Variants in ARHGAP24 observed in about 807,000 individuals in gnomAD.
ARHGAP24 encodes Rho GTPase activating protein 24.
ARHGAP24 carries 50 observed loss-of-function variants against 76.4 expected under a neutral mutation model. The ratio of observed to expected loss-of-function variants is 0.65; its 90% CI spans 0.52 to 0.83. The LOEUF is 0.83. Among genes scored for constraint, ARHGAP24 ranks in the 40% least tolerant of loss-of-function variants. The pLI is 0.00. For missense variants in ARHGAP24, 930 were observed against 914.2 expected, an observed-to-expected ratio of 1.02 and a Z score of -0.22; for synonymous variants, 345 against 323.3, an observed-to-expected ratio of 1.07 and a Z score of -0.72.
intron 3 of ARHGAP24, among the ~76,000 whole-genome samples, chr4:85,873,568 A>G (rs138950452): frequency 6.6e-6 from 1 of 152,324 alleles, no homozygotes; most frequent in African/African-American, 2.4e-5. Flanking sequence ...TAGCTAGAGC[A>G]TAATGTGATA....
chr4:85,622,118 T>C (rs1047014866), intron 2 of ARHGAP24, among the ~76,000 whole-genome samples: 1 of 152,112 alleles, frequency 6.6e-6, no homozygotes, highest in East Asian at 1.9e-4. Flanking sequence ...TTATTATACT[T>C]TAAGTTTTAG....
intron 2 of ARHGAP24, among the ~76,000 whole-genome samples, chr4:85,692,461 A>G (rs986147379): frequency 1.3e-5 from 2 of 152,316 alleles, no homozygotes; most frequent in Non-Finnish European, 1.5e-5. Flanking sequence ...CAGGAATGCC[A>G]ATGAGCCATA....
intron 4 of ARHGAP24, among the ~76,000 whole-genome samples, chr4:85,934,651 A>C (rs1437641206): frequency 6.6e-6 from 1 of 152,092 alleles, no homozygotes; most frequent in Admixed American, 6.5e-5. Context: ...AGTAGCTGGG[A>C]TTACAGGTGC....
At chr4:85,824,967 G>GTAATCCCAGCTAC (rs1729644218) in intron 3 of ARHGAP24, among the ~76,000 whole-genome samples, 1 of 152,114 alleles carries the variant, frequency 6.6e-6, no homozygotes, top group Non-Finnish European at 1.5e-5. Flanking sequence ...GCATGTGCCT[G>GTAATCCCAGCTAC]TAATCCCAGC....
At chr4:85,888,890 C>T (rs1235864452) in intron 3 of ARHGAP24, among the ~76,000 whole-genome samples, 1 of 152,136 alleles carries the variant, frequency 6.6e-6, no homozygotes, top group Non-Finnish European at 1.5e-5. Flanking sequence ...GTTTTCTGTT[C>T]TCATGTTAGT....
At chr4:85,764,996 A>T (rs747152146) in intron 3 of ARHGAP24, among the ~76,000 whole-genome samples, 1 of 152,114 alleles carries the variant, frequency 6.6e-6, no homozygotes. Flanking sequence ...TTTTGGCCCA[A>T]ATGGCATATT....
At chr4:85,659,129 G>A (rs974012971) in intron 2 of ARHGAP24, among the ~76,000 whole-genome samples, 9 of 152,248 alleles carry the variant, frequency 5.9e-5, no homozygotes, top group East Asian at 1.9e-4. Context: ...GGTAGAAGCC[G>A]GGGTGCAGTT....
intron 3 of ARHGAP24, among the ~76,000 whole-genome samples, chr4:85,850,570 T>A (rs934126065): frequency 1.3e-5 from 2 of 152,218 alleles, no homozygotes; most frequent in African/African-American, 4.8e-5. Flanking sequence ...TTTCCTGCTT[T>A]CTCTTGTGGG....
chr4:85,651,719 T>C (rs1466610283), intron 2 of ARHGAP24, among the ~76,000 whole-genome samples: 3 of 137,388 alleles, frequency 2.2e-5, no homozygotes, highest in African/African-American at 1.1e-4. Flanking sequence ...TTAAATTATT[T>C]GCATCCGTAT....
intron 2 of ARHGAP24, among the ~76,000 whole-genome samples, chr4:85,634,798 T>C (rs1406800239): frequency 9.9e-5 from 15 of 151,978 alleles, no homozygotes; most frequent in African/African-American, 3.4e-4. Context: ...TTGAGATGCT[T>C]AGAATTATTG....
At chr4:85,840,026 T>TG (rs1730514295) in intron 3 of ARHGAP24, among the ~76,000 whole-genome samples, 1 of 146,620 alleles carries the variant, frequency 6.8e-6, no homozygotes, top group South Asian at 2.2e-4. Context: ...ACTTTTTTTT[T>TG]TTTTTTTTTT....
rs1370314832 is a variant in ARHGAP24 at position 86,001,375 on chromosome 4, C to T, written c.*653C>T. ...ACCACTCAGTTTTGCTTTTGCGAGG[C>T]GATTTGACATAGGAACTTTGAGACT... is the stretch of plus-strand genomic sequence containing the variant. On this transcript the variant is annotated 3_prime_UTR_variant, in exon 10 of 10. Transcript: ENST00000395184. The T allele has an allele frequency of 5.0e-6, 2 of 398,944 alleles. No homozygotes were observed. Among genetic ancestry groups the T allele is most frequent in the Middle Eastern group, 6.3e-4 (1 of 1,588 alleles). 24.7% of individuals were successfully genotyped at this position (398,944 alleles called of 1,614,324 possible).
intron 3 of ARHGAP24, among the ~76,000 whole-genome samples, chr4:85,798,648 G>A (rs1280183843): frequency 2.0e-5 from 3 of 152,278 alleles, no homozygotes; most frequent in Middle Eastern, 6.8e-3. Flanking sequence ...TTCCAAAGAT[G>A]TTATCTGTAG....
chr4:85,528,908 A>G (rs1207833034), intron 1 of ARHGAP24, among the ~76,000 whole-genome samples: 2 of 152,128 alleles, frequency 1.3e-5, no homozygotes, highest in Non-Finnish European at 2.9e-5. Context: ...AGACAAATAC[A>G]TAATATCATC....
At chr4:85,744,763 T>C (rs1287128738) in intron 3 of ARHGAP24, among the ~76,000 whole-genome samples, 1 of 152,264 alleles carries the variant, frequency 6.6e-6, no homozygotes, top group Non-Finnish European at 1.5e-5. Context: ...TGGTTTGGGA[T>C]ATTTTTTCAT....
rs56379272 is a variant in ARHGAP24, at chr4:85,827,461, C to CGTGTGTGTGTGTGTGT, written c.269-96146_269-96131dup. 7.0e-3 allele frequency among the ~76,000 whole-genome samples: 761 copies of CGTGTGTGTGTGTGTGT among 108,692 alleles called. 18 individuals carry two copies. The highest frequency in any genetic ancestry group is 9.6e-3 in the Middle Eastern group (2 of 208). 71.3% of individuals were successfully genotyped at this position (108,692 alleles called of 152,430 possible). A position where few individuals can be genotyped will look rare whatever the true frequency, so the allele number is the denominator to read the frequency against. On this transcript the variant is annotated intron_variant, in intron 3 of 9. Transcript: ENST00000395184. ...TAGAATAGCTACACTGAAGTCTGCC[C>CGTGTGTGTGTGTGTGT]GTGTGTGTGTGTGTGTGTGTGTGTG... is the stretch of plus-strand genomic sequence containing the variant.
At position 85,995,597 on chromosome 4, in the gene ARHGAP24, T is replaced by C. The variant is rs1025445440; in HGVS notation, c.1943T>C (p.Val648Ala). The change falls in exon 9 of 10, where the codon GTT (valine) becomes GCT (alanine). Residue 648 changes from valine (V) to alanine (A), a missense_variant. Transcript: ENST00000395184. ...SSNHSALHSL[V>A]SSLKQEMTKQ... Reference sequence around the variant, plus strand: ...AACCACAGTGCACTGCACAGTTTAGTTTCCAGCCTGAAACAGGAAATGACC... The same window carrying C: ...AACCACAGTGCACTGCACAGTTTAGCTTCCAGCCTGAAACAGGAAATGACC... The C allele has an allele frequency of 6.2e-7, 1 of 1,613,876 alleles. No homozygotes were observed. The highest frequency in any genetic ancestry group is 2.2e-5 in the East Asian group (1 of 44,844).
At chr4:85,742,994 G>T (rs1725880916) in intron 3 of ARHGAP24, among the ~76,000 whole-genome samples, 1 of 152,114 alleles carries the variant, frequency 6.6e-6, no homozygotes, top group Admixed American at 6.5e-5. Context: ...GGAGATGGAA[G>T]TTCTGAAAAA....
At chr4:85,755,099 G>C (rs1215318446) in intron 3 of ARHGAP24, among the ~76,000 whole-genome samples, 3 of 152,194 alleles carry the variant, frequency 2.0e-5, no homozygotes. Flanking sequence ...AAAGAAATAA[G>C]TGAAGGAACC....
Sources: gnomAD v4.1 joint callset for allele counts (sites outside exome capture counted in the v4.1 genomes callset) on GRCh38, gnomAD v4.1.1 for gene constraint, MANE v1.5 for transcripts, NCBI Gene and HGNC (gene_info 2026-07-23, HGNC 2026-07-21) for gene names.